The following ARID3C variants were observed in gnomAD, a reference collection of about 807,000 sequenced individuals.
ARID3C encodes AT-rich interactive domain-containing protein 3C.
Under a neutral mutation model 37.9 loss-of-function variants are expected in ARID3C, and 42 were observed. That is an observed-to-expected ratio of 1.11 (90% CI 0.87 to 1.43). The LOEUF (loss-of-function observed/expected upper bound fraction) is 1.43. ARID3C is among the 40% of genes most tolerant of loss of function. ARID3C has a pLI of 0.00. For synonymous variants in ARID3C, 213 were observed against 228.0 expected, an observed-to-expected ratio of 0.93 and a Z score of 0.59; for missense variants, 581 against 548.8, an observed-to-expected ratio of 1.06 and a Z score of -0.59.
intron 1 of ARID3C, among the ~76,000 whole-genome samples, 163 bp downstream of exon 2, chr9:34,627,534 C>T (rs1820671442): frequency 1.3e-5 from 2 of 152,146 alleles, no homozygotes; most frequent in Admixed American, 1.3e-4. Flanking sequence ...CTGTCACTAT[C>T]CTCCAATCTT....
At chr9:34,626,364 C>T (rs1468749747) in intron 1 of ARID3C, among the ~76,000 whole-genome samples, 5 of 152,188 alleles carry the variant, frequency 3.3e-5, no homozygotes, top group Non-Finnish European at 7.4e-5. Flanking sequence ...TTCAGCTCAT[C>T]TTCTGGTCTG....
chr9:34,632,381 TG>T (rs909255120), upstream of ARID3C, among the ~76,000 whole-genome samples: 1 of 151,994 alleles, frequency 6.6e-6, no homozygotes, highest in African/African-American at 2.4e-5. Context: ...GGTGAGTGGT[TG>T]GAATGTCTGA....
intron 4 of ARID3C, among the ~76,000 whole-genome samples, chr9:34,622,999 A>G (rs1820596617): frequency 6.6e-6 from 1 of 151,834 alleles, no homozygotes; most frequent in African/African-American, 2.4e-5. Flanking sequence ...TACAAAAATT[A>G]GCCGGGCATG....
At chr9:34,627,617 G>T in intron 1 of ARID3C, 80 bp downstream of exon 2, 1 of 1,337,148 alleles carries the variant, frequency 7.5e-7, no homozygotes, top group Non-Finnish European at 1.0e-6. Flanking sequence ...GGGGTGGGTG[G>T]GCTGCTAATC....
intron 1 of ARID3C, among the ~76,000 whole-genome samples, chr9:34,626,028 A>G (rs1820650264): frequency 6.6e-6 from 1 of 152,162 alleles, no homozygotes; most frequent in Non-Finnish European, 1.5e-5. Context: ...TGGTAGTGGT[A>G]CCCTGGGCCA....
rs1420770018 is a variant in ARID3C, at chr9:34,626,544, A to C, written c.319-730T>G. Among the ~76,000 whole-genome samples the C allele has an allele frequency of 4.6e-5, 7 of 152,272 alleles. 1 individual carries two copies. The highest frequency in any genetic ancestry group is 4.6e-4 in the Admixed American group (7 of 15,304). On this transcript the variant is annotated intron_variant, in intron 1 of 6. Transcript: ENST00000378909. ...CATCAACTCCCGAATACTAGTCAAGAGAACCACCCCTTGAGTCACTGACCC... is the reference window on the plus strand; with the variant it reads ...CATCAACTCCCGAATACTAGTCAAGCGAACCACCCCTTGAGTCACTGACCC...
At position 34,628,072 on chromosome 9, in the gene ARID3C, C is replaced by T. The variant is rs1820683878; in HGVS notation, c.-58G>A. ...GGGTCCCTGGTACCAGGCGGGACCC[C>T]GAGGAAAGGGCCGCCTGTGGGGGAG... On this transcript the variant is annotated 5_prime_UTR_variant, in exon 1 of 7. Transcript: ENST00000378909. The surrounding 1 kb of genome is among the most constrained non-coding windows in gnomAD (Gnocchi z 5.2). 1 of 1,440,476 alleles carries T rather than the reference C, an allele frequency of 6.9e-7. No individual in the cohort carries two copies. The highest frequency in any genetic ancestry group is 9.1e-7 in the Non-Finnish European group (1 of 1,099,568). 89.2% of individuals were successfully genotyped at this position (1,440,476 alleles called of 1,614,324 possible).
chr9:34,626,512 C>T (rs965506679), intron 1 of ARID3C, among the ~76,000 whole-genome samples: 2 of 152,128 alleles, frequency 1.3e-5, no homozygotes, highest in Non-Finnish European at 2.9e-5. Flanking sequence ...TGGAGTCCCA[C>T]CTCCTGCATC....
intron 1 of ARID3C, among the ~76,000 whole-genome samples, chr9:34,626,813 T>C (rs1320866484): frequency 6.6e-6 from 1 of 152,178 alleles, no homozygotes; most frequent in Non-Finnish European, 1.5e-5. Context: ...AACAGAGCCC[T>C]GAGTAACACT....
rs201083706 is a variant in ARID3C at position 34,623,420 on chromosome 9, C to A, written c.865+5G>T. The A allele has an allele frequency of 1.1e-5, 16 of 1,495,076 alleles. No homozygotes were observed. The highest frequency in any genetic ancestry group is 1.4e-5 in the Non-Finnish European group (16 of 1,123,612). The allele number at this position is 1,495,076 out of a possible 1,614,324, so 92.6% of individuals were successfully genotyped here. ...CCCGAAACCTCTACCATTCTCCCCTCGCACCTTTCTTAATAGGGCTTGGAC... is the reference window on the plus strand; with the variant it reads ...CCCGAAACCTCTACCATTCTCCCCTAGCACCTTTCTTAATAGGGCTTGGAC... On this transcript the variant is annotated splice_donor_5th_base_variant and intron_variant, in intron 4 of 6. Coordinates refer to ENST00000378909, the Ensembl canonical transcript of ARID3C.
chr9:34,622,207 C>T, intron 5 of ARID3C, 98 bp from the exon 7 acceptor site: 1 of 1,571,590 alleles, frequency 6.4e-7, no homozygotes, highest in Non-Finnish European at 8.7e-7. Context: ...AGCCCCCATT[C>T]CACTTCAGCC....
intron 2 of ARID3C, among the ~76,000 whole-genome samples, chr9:34,625,459 T>G (rs1820641623): frequency 6.6e-6 from 1 of 152,184 alleles, no homozygotes; most frequent in South Asian, 2.1e-4. Context: ...CAAGGCATTC[T>G]CAGCCCTCTG....
At chr9:34,622,049 G>A (rs373744786) in exon 6 of ARID3C, 1 of 1,614,070 alleles carries the variant, frequency 6.2e-7, no homozygotes, top group Non-Finnish European at 8.5e-7. Context: ...GATCTCTAGG[G>A]CCATGTTGAT....
chr9:34,629,561 C>T (rs1820704232), upstream of ARID3C, among the ~76,000 whole-genome samples: 1 of 152,194 alleles, frequency 6.6e-6, no homozygotes, highest in Non-Finnish European at 1.5e-5. Context: ...TACGTGCTGT[C>T]CCCCACTGCG....
At chr9:34,630,628 C>A (rs540747496), upstream of ARID3C, among the ~76,000 whole-genome samples, 3 of 152,198 alleles carry the variant, frequency 2.0e-5, no homozygotes, top group Non-Finnish European at 4.4e-5. Flanking sequence ...CTCAAACCAC[C>A]GGCTCTTCTG....
intron 6 of ARID3C, 35 bp downstream of exon 7, chr9:34,621,985 C>G: frequency 6.2e-7 from 1 of 1,601,418 alleles, no homozygotes; most frequent in Non-Finnish European, 8.6e-7. Flanking sequence ...TACCCCTGAC[C>G]CCATGCCAGT....
In ARID3C at chr9:34,627,891, CA is replaced by C; in HGVS notation, c.123del (p.Glu42ArgfsTer93). 1.3e-6 allele frequency: 2 copies of C among 1,566,916 alleles called. No homozygotes were observed. The highest frequency in any genetic ancestry group is 1.7e-6 in the Non-Finnish European group (2 of 1,155,328). On this transcript the variant is annotated frameshift_variant, in exon 1 of 7. Coordinates refer to ENST00000378909, the Ensembl canonical transcript of ARID3C. LOFTEE classifies it high-confidence loss of function. ...GCCCCAACATTCCCCAAGGCCCCCT[CA>C]GGGGCCTGTAGGGTCCGGTGGTCAG...
upstream of ARID3C, among the ~76,000 whole-genome samples, chr9:34,630,276 G>C (rs1362923540): frequency 2.0e-5 from 3 of 152,110 alleles, no homozygotes; most frequent in Non-Finnish European, 4.4e-5. Flanking sequence ...CTGAAATGCT[G>C]TTCCTTATTT....
At chr9:34,627,081 T>C (rs1820665960) in intron 1 of ARID3C, among the ~76,000 whole-genome samples, 1 of 152,202 alleles carries the variant, frequency 6.6e-6, no homozygotes, top group Non-Finnish European at 1.5e-5. Context: ...ATACTGCGGC[T>C]GTAGTGGCCA....
Sources: gnomAD v4.1 joint callset for allele counts (sites outside exome capture counted in the v4.1 genomes callset) on GRCh38, gnomAD v4.1.1 for gene constraint, Gnocchi (gnomAD v3.1) non-coding constraint, MANE v1.5 for transcripts, NCBI Gene and HGNC (gene_info 2026-07-23, HGNC 2026-07-21) for gene names.